The following SPTA1 variants were observed in gnomAD, a reference collection of about 807,000 sequenced individuals.
SPTA1 encodes the protein spectrin alpha, erythrocytic 1, also known as spectrin alpha chain, erythrocytic 1.
A neutral mutation model predicts 324.7 loss-of-function variants in SPTA1; 177 were observed. That is an observed-to-expected ratio of 0.55 (90% CI 0.48 to 0.62). The LOEUF is 0.62. Ranked by LOEUF, SPTA1 falls within the 20% of genes least tolerant of loss-of-function variation. The probability of loss-of-function intolerance (pLI) is 0.00; values close to 1 mark genes in which losing one functional copy is unlikely to be tolerated. For missense variants in SPTA1, 3,162 were observed against 2,883.6 expected, an observed-to-expected ratio of 1.10 and a Z score of -2.21; for synonymous variants, 1,195 against 1,041.3, an observed-to-expected ratio of 1.15 and a Z score of -2.84.
rs189877287 is a variant in SPTA1, at chr1:158,644,280, G to A, written c.4311C>T (p.Asp1437=). Residue 1437 remains aspartate, a synonymous_variant, in exon 30 of 52, where the codon GAC becomes GAT. Coordinates refer to ENST00000643759, the MANE Select transcript of SPTA1 (RefSeq NM_003126.4). ...GGGCAGTGATTGCTTTGTCCAAATC[G>A]TCCCGTTTCTTCATCAAAGCCTCCA... The part of the protein sequence containing the change: ...DSLEALMKKR[D]DLDKAITAQE... 2.5e-4 allele frequency: 402 copies of A among 1,613,508 alleles called. No individual in the cohort carries two copies. The highest frequency in any genetic ancestry group is 1.8e-3 in the African/African-American group (135 of 74,894).
At chr1:158,637,118 G>C (rs982150427) in intron 36 of SPTA1, among the ~76,000 whole-genome samples, 1 of 152,048 alleles carries the variant, frequency 6.6e-6, no homozygotes, top group African/African-American at 2.4e-5. Context: ...ACCTCCACAG[G>C]TTTTGTTATT....
chr1:158,623,078 G>C lies in SPTA1; in HGVS notation c.6025C>G (p.Arg2009Gly). Reference sequence around the variant, plus strand: ...CAGCGCTTCAGCAGAGCGGCATAACGCTCTTCAATGGCTTTAGACTGGTTG... The same window carrying C: ...CAGCGCTTCAGCAGAGCGGCATAACCCTCTTCAATGGCTTTAGACTGGTTG... ...QHNQSKAIEE[R>G]YAALLKRWEQ... The change falls in exon 43 of 52, where the codon CGT becomes GGT. Residue 2009 changes from arginine to glycine, a missense_variant. By Grantham distance (125) the Arg-to-Gly change is moderately radical. Coordinates refer to ENST00000643759, the MANE Select transcript of SPTA1 (RefSeq NM_003126.4). 1 of 1,614,096 alleles carries C rather than the reference G, an allele frequency of 6.2e-7. No individual in the cohort carries two copies. The highest frequency in any genetic ancestry group is 1.7e-5 in the Admixed American group (1 of 60,016).
intron 10 of SPTA1, among the ~76,000 whole-genome samples, chr1:158,673,700 G>A (rs1654188499): frequency 6.6e-6 from 1 of 152,156 alleles, no homozygotes; most frequent in African/African-American, 2.4e-5. Flanking sequence ...ATGAGCATGG[G>A]AAGGTCACGA....
intron 33 of SPTA1, 25 bp from the exon 34 acceptor site, chr1:158,640,032 A>C: frequency 6.2e-7 from 1 of 1,613,696 alleles, no homozygotes. Flanking sequence ...GTGAGGAGTC[A>C]TTACAATCTT....
chr1:158,636,798 A>G (rs368288344), intron 36 of SPTA1, 37 bp from the exon 37 acceptor site: 4 of 1,612,934 alleles, frequency 2.5e-6, no homozygotes, highest in Non-Finnish European at 3.4e-6. Flanking sequence ...TTTGGAGTCT[A>G]GACATCTAAT....
At chr1:158,673,092 G>T (rs943679583) in intron 10 of SPTA1, among the ~76,000 whole-genome samples, 1 of 152,170 alleles carries the variant, frequency 6.6e-6, no homozygotes, top group African/African-American at 2.4e-5. Context: ...CTGCACTCCA[G>T]CCTGGGGGAC....
intron 10 of SPTA1, 101 bp from the exon 11 acceptor site, chr1:158,672,297 A>C: frequency 7.8e-7 from 1 of 1,281,952 alleles, no homozygotes; most frequent in Admixed American, 2.1e-5. Flanking sequence ...AGGATACAAA[A>C]ATAAACAGCA....
In SPTA1 at chr1:158,681,641, C is replaced by T; in HGVS notation, c.417G>A (p.Leu139=). The change falls in exon 4 of 52, where the codon CTG becomes CTA. Residue 139 remains leucine (L), a synonymous_variant. Transcript: ENST00000643759. ...GGGTCAGCTCTAACAGCAGGTCCCA[C>T]AGGTGGCGTAGCTCCTCTATATGGG... The part of the protein sequence containing the change: ...TKAHIEELRH[L]WDLLLELTLE... 1 of 1,613,758 alleles carries T rather than the reference C, an allele frequency of 6.2e-7. No homozygotes were observed. The highest frequency in any genetic ancestry group is 8.5e-7 in the Non-Finnish European group (1 of 1,179,782).
In SPTA1 at chr1:158,644,242, G is replaced by T; in HGVS notation, c.4338+11C>A. The T allele has an allele frequency of 6.2e-7, 1 of 1,613,398 alleles. No individual in the cohort carries two copies. Among genetic ancestry groups the T allele is most frequent in the Non-Finnish European group, 8.5e-7 (1 of 1,179,708 alleles). On this transcript the variant is annotated intron_variant, in intron 30 of 51. Coordinates refer to ENST00000643759, the MANE Select transcript of SPTA1 (RefSeq NM_003126.4). ...GATTATTATTTTAATTCCTTTACTAGTCATTATTACCTGGGCAGTGATTGC... is the reference window on the plus strand; with the variant it reads ...GATTATTATTTTAATTCCTTTACTATTCATTATTACCTGGGCAGTGATTGC...
intron 25 of SPTA1, among the ~76,000 whole-genome samples, chr1:158,648,875 G>A (rs1260494855): frequency 6.6e-6 from 1 of 150,872 alleles, no homozygotes; most frequent in Non-Finnish European, 1.5e-5. Context: ...CCATTAAATA[G>A]ATCAGAAAAC....
chr1:158,651,566 C>A, intron 23 of SPTA1, 98 bp from the exon 24 acceptor site: 1 of 822,058 alleles, frequency 1.2e-6, no homozygotes, highest in Non-Finnish European at 2.1e-6. Flanking sequence ...CATCTCTGCC[C>A]CTACATCACC....
chr1:158,683,754 A>G (rs1237817760), intron 2 of SPTA1, among the ~76,000 whole-genome samples: 8 of 151,710 alleles, frequency 5.3e-5, no homozygotes, highest in Non-Finnish European at 1.0e-4. Flanking sequence ...TGTAACACAC[A>G]GTGTCCTTCC....
intron 35 of SPTA1, chr1:158,639,358 T>C (rs563166335): frequency 5.2e-6 from 3 of 580,490 alleles, no homozygotes; most frequent in South Asian, 2.1e-5. Flanking sequence ...CCAGGTCCAC[T>C]TTCTGGAATC....
rs1651402498 is a variant in SPTA1 at position 158,639,853 on chromosome 1, T to G, written c.4875+17A>C. 1.2e-6 allele frequency: 2 copies of G among 1,613,866 alleles called. No homozygotes were observed. Among genetic ancestry groups the G allele is most frequent in the Non-Finnish European group, 1.7e-6 (2 of 1,179,940 alleles). On this transcript the variant is annotated intron_variant, in intron 34 of 51. Coordinates refer to ENST00000643759, the MANE Select transcript of SPTA1 (RefSeq NM_003126.4). ...GTATTAAACTCTTGTGTCTCTACTG[T>G]TTCCGGGTGCAATTACCTCTGAGAG...
At chr1:158,667,076 G>C (rs1053134645) in intron 15 of SPTA1, among the ~76,000 whole-genome samples, 1 of 152,068 alleles carries the variant, frequency 6.6e-6, no homozygotes, top group Non-Finnish European at 1.5e-5. Context: ...AGGAATTGCT[G>C]TGTCTCCTGA....
intron 39 of SPTA1, among the ~76,000 whole-genome samples, chr1:158,630,679 ACAAT>A (rs1276537472): frequency 6.6e-6 from 1 of 152,144 alleles, no homozygotes; most frequent in East Asian, 1.9e-4. Context: ...AGCAAAGGAA[ACAAT>A]CAACAGAGTG....
At chr1:158,613,250 A>G (rs1310965558) in intron 50 of SPTA1, among the ~76,000 whole-genome samples, 1 of 151,998 alleles carries the variant, frequency 6.6e-6, no homozygotes. Flanking sequence ...GAAATTTCCC[A>G]TCAGCACCAG....
chr1:158,681,590 C>T lies in SPTA1; in HGVS notation c.468G>A (p.Arg156=), dbSNP rs762178562. ...LTLEKGDQLL[R]ALKFQQYVQE... is the part of the protein sequence containing the mutation. ...GTACATACTGCTGGAACTTCAGGGC[C>T]CGCAGCAACTGGTCACCCTTCTCCA... is the stretch of plus-strand genomic sequence containing the variant. The change falls in exon 4 of 52, where the codon CGG becomes CGA. Residue 156 remains arginine (R), a synonymous_variant. Transcript: ENST00000643759. 17 of 1,613,676 alleles carry T rather than the reference C, an allele frequency of 1.1e-5. No individual in the cohort carries two copies. In the African/African-American group the frequency reaches 1.6e-4, roughly 15 times the overall value.
At chr1:158,612,564 A>G in intron 51 of SPTA1, 1 of 483,174 alleles carries the variant, frequency 2.1e-6, no homozygotes, top group Non-Finnish European at 3.8e-6. Context: ...GAGGAAAAAA[A>G]AAAGAAATAG....
Sources: allele counts gnomAD v4.1 joint callset (sites outside exome capture counted in the v4.1 genomes callset), GRCh38; gene constraint gnomAD v4.1.1; transcripts MANE v1.5; gene names NCBI Gene and HGNC (gene_info 2026-07-23, HGNC 2026-07-21).